The following CELF2 variants were observed in gnomAD, a reference collection of about 807,000 sequenced individuals.
The protein encoded by CELF2 is CUG triplet repeat RNA-binding protein 2.
In CELF2, 8 loss-of-function variants were observed where a neutral mutation model predicts 62.6. The observed-to-expected ratio is 0.13, with a 90% CI of 0.07 to 0.23. The LOEUF is 0.23. Ranked by LOEUF, CELF2 falls within the 10% of genes least tolerant of loss-of-function variation. The pLI is 1.00. For synonymous variants in CELF2, 258 were observed against 250.0 expected (o/e 1.03, Z -0.30); for missense variants, 333 against 671.0 (o/e 0.50, Z 5.56).
At chr10:11,291,678 T>C (rs1371900712) in intron 9 of CELF2, among the ~76,000 whole-genome samples, 1 of 152,228 alleles carries the variant, frequency 6.6e-6, no homozygotes, top group East Asian at 1.9e-4. Context: ...TACCCCAGTC[T>C]CCTATTTAGT....
chr10:11,180,496 G>T (rs768639846), intron 2 of CELF2, among the ~76,000 whole-genome samples: 1 of 152,190 alleles, frequency 6.6e-6, no homozygotes, highest in African/African-American at 2.4e-5. Flanking sequence ...AACCGACACC[G>T]TACTCAGTCT....
chr10:10,600,225 C>G, the CELF2 span, among the ~76,000 whole-genome samples: 2 of 152,188 alleles, frequency 1.3e-5, no homozygotes, highest in Admixed American at 1.3e-4. Context: ...GATTGGACTG[C>G]GTGGGCGTTT....
the CELF2 span, among the ~76,000 whole-genome samples, chr10:10,716,180 T>C: frequency 6.6e-6 from 1 of 152,236 alleles, no homozygotes; most frequent in Non-Finnish European, 1.5e-5. Flanking sequence ...GATATTCTTC[T>C]GTTAATATCC....
chr10:11,234,675 A>T (rs996786445), intron 3 of CELF2, among the ~76,000 whole-genome samples: 6 of 50,966 alleles, frequency 1.2e-4, no homozygotes, highest in Non-Finnish European at 1.9e-4. Flanking sequence ...GTGAGACTCC[A>T]TCTCAAAAAA....
the CELF2 span, among the ~76,000 whole-genome samples, chr10:10,714,103 C>A: frequency 3.3e-5 from 5 of 152,070 alleles, no homozygotes; most frequent in African/African-American, 7.2e-5. Context: ...AACACGAAGA[C>A]CCTACTTTCA....
intron 3 of CELF2, among the ~76,000 whole-genome samples, chr10:11,228,886 G>A (rs1194718081): frequency 6.6e-6 from 1 of 152,184 alleles, no homozygotes; most frequent in East Asian, 1.9e-4. Context: ...AAATACTTAA[G>A]AGAGAATCAA....
At chr10:10,577,848 G>C in the CELF2 span, among the ~76,000 whole-genome samples, 4 of 152,164 alleles carry the variant, frequency 2.6e-5, no homozygotes, top group Admixed American at 1.3e-4. Context: ...ATAGCAGCAT[G>C]ATTTATAGTC....
intron 1 of CELF2, among the ~76,000 whole-genome samples, chr10:10,858,784 A>G (rs2059897715): frequency 6.6e-6 from 1 of 151,966 alleles, no homozygotes; most frequent in South Asian, 2.1e-4. Context: ...AGGGAAAATG[A>G]ACATTTTCAA....
At position 11,063,978 on chromosome 10, in the gene CELF2, G is replaced by C. The variant is rs144408282; in HGVS notation, c.74+45815G>C. Among the ~76,000 whole-genome samples, 43 of 152,286 alleles carry C rather than the reference G, an allele frequency of 2.8e-4. No homozygotes were observed. The East Asian group carries it at 7.9e-3, about 28-fold the overall frequency. ...CTGGAGTGTGCTGTTTATCGGTGGA[G>C]TTGCATTCACTCAGTTGAACTACAG... On this transcript the variant is annotated intron_variant, in intron 1 of 12. Coordinates refer to ENST00000633077, the MANE Select transcript of CELF2 (RefSeq NM_001326342.2).
rs552267979 is a variant in CELF2 at position 11,164,929 on chromosome 10, C to G, written c.75-557C>G. ...TCGCGCACTCTGCAAATTCATCACC[C>G]GCATCTTGCATTAGTCATCTGACGG... On this transcript the variant is annotated intron_variant, in intron 1 of 12. Transcript: ENST00000633077. 9.4e-6 allele frequency: 3 copies of G among 318,106 alleles called. No homozygotes were observed. The South Asian group carries it at 3.6e-4, about 38-fold the overall frequency. The allele number at this position is 318,106 out of a possible 1,614,324, so 19.7% of individuals were successfully genotyped here. A position where few individuals can be genotyped will look rare whatever the true frequency, so the allele number is the denominator to read the frequency against.
chr10:11,215,130 T>A (rs2062972154), intron 2 of CELF2, among the ~76,000 whole-genome samples: 1 of 152,222 alleles, frequency 6.6e-6, no homozygotes, highest in African/African-American at 2.4e-5. Flanking sequence ...GTCTCCTTCC[T>A]CAAGGGTCAT....
chr10:11,025,237 G>GAGTATATATATATA (rs2058973470), intron 1 of CELF2, among the ~76,000 whole-genome samples: 1 of 49,764 alleles, frequency 2.0e-5, no homozygotes, highest in South Asian at 1.5e-3. Flanking sequence ...GTGTGTGTGT[G>GAGTATATATATATA]TGTATATGTA....
chr10:10,765,620 TC>T, the CELF2 span, among the ~76,000 whole-genome samples: 3 of 152,150 alleles, frequency 2.0e-5, no homozygotes, highest in Non-Finnish European at 2.9e-5. Flanking sequence ...AGCCTTAGTC[TC>T]TGAGAAAGCC....
the CELF2 span, among the ~76,000 whole-genome samples, chr10:10,518,420 T>C: frequency 6.6e-6 from 1 of 152,188 alleles, no homozygotes; most frequent in African/African-American, 2.4e-5. Flanking sequence ...TATTTCACCT[T>C]CCTGGTTTGC....
intron 1 of CELF2, among the ~76,000 whole-genome samples, chr10:11,155,646 A>C (rs1006626981): frequency 2.0e-5 from 3 of 152,226 alleles, no homozygotes; most frequent in Admixed American, 2.0e-4. Context: ...AGAAAAATAC[A>C]CTTGAATGTA....
intron 3 of CELF2, among the ~76,000 whole-genome samples, chr10:11,218,346 G>A (rs2399668): frequency 0.99 from 151,000 of 152,342 alleles, 74,852 homozygotes; most frequent in Middle Eastern, 1. Context: ...GAAAGATAAG[G>A]TAATGTCCCT....
the CELF2 span, among the ~76,000 whole-genome samples, chr10:10,507,742 A>C: frequency 1.2e-5 from 1 of 80,584 alleles, no homozygotes; most frequent in Admixed American, 1.8e-4. Flanking sequence ...TTTTGAATTC[A>C]ATTTTCCTCC....
chr10:11,044,389 CT>C (rs1196530400), intron 1 of CELF2, among the ~76,000 whole-genome samples: 1 of 152,182 alleles, frequency 6.6e-6, no homozygotes, highest in Non-Finnish European at 1.5e-5. Context: ...TTTATTCTCC[CT>C]TTTGGCATCA....
intron 3 of CELF2, among the ~76,000 whole-genome samples, chr10:11,240,895 G>A (rs141580499): frequency 7.2e-5 from 11 of 152,300 alleles, no homozygotes; most frequent in Non-Finnish European, 1.3e-4. Context: ...ATGACAGGCG[G>A]CGTGGGGTAG....
Sources: allele counts gnomAD v4.1 joint callset (sites outside exome capture counted in the v4.1 genomes callset), GRCh38; gene constraint gnomAD v4.1.1; transcripts MANE v1.5; gene names NCBI Gene and HGNC (gene_info 2026-07-23, HGNC 2026-07-21).